OTOA: variants seen among roughly 807,000 people sequenced by gnomAD.
OTOA encodes otoancorin, also known as cancer/testis antigen 108.
In OTOA, 70 loss-of-function variants were observed where a neutral mutation model predicts 110.8. The observed-to-expected ratio is 0.63, with a 90% CI of 0.52 to 0.77. The LOEUF is 0.77. Among genes scored for constraint, OTOA ranks in the 30% least tolerant of loss-of-function variants. The probability of loss-of-function intolerance (pLI) is 0.00; values close to 1 mark genes in which losing one functional copy is unlikely to be tolerated. For synonymous variants in OTOA, 373 were observed against 431.5 expected, an observed-to-expected ratio of 0.86 and a Z score of 1.68; for missense variants, 917 against 1,075.8, an observed-to-expected ratio of 0.85 and a Z score of 2.06.
At chr16:21,670,862 C>T (rs1045029379) in intron 1 of OTOA, among the ~76,000 whole-genome samples, 12 of 152,008 alleles carry the variant, frequency 7.9e-5, no homozygotes, top group South Asian at 4.2e-4. Context: ...TGATCTTAGC[C>T]GGGCAAAGAG....
intron 17 of OTOA, 126 bp downstream of exon 17, chr16:21,719,630 C>A (rs1189739280): frequency 1.1e-6 from 1 of 948,658 alleles, no homozygotes; most frequent in Non-Finnish European, 1.7e-6. Flanking sequence ...GACTTAGGGC[C>A]AAAGATTGAG....
intron 9 of OTOA, among the ~76,000 whole-genome samples, chr16:21,695,891 A>C (rs796185096): frequency 2.4e-5 from 1 of 41,904 alleles, no homozygotes; most frequent in Non-Finnish European, 3.7e-5. Context: ...ATATATATAT[A>C]TTTTTTTTTT....
chr16:21,726,972 C>T (rs11642781), intron 19 of OTOA: 1 of 369,896 alleles, frequency 2.7e-6, no homozygotes, highest in South Asian at 2.3e-5. Flanking sequence ...CCTCAGTCTT[C>T]TCATCTGTAA....
chr16:21,717,859 TG>T (rs1399292972), intron 15 of OTOA, among the ~76,000 whole-genome samples: 1 of 152,208 alleles, frequency 6.6e-6, no homozygotes. Context: ...CAGGCGCTCT[TG>T]CTCAGGGTCT....
intron 15 of OTOA, among the ~76,000 whole-genome samples, chr16:21,717,893 C>T (rs215902): frequency 0.81 from 122,988 of 152,110 alleles, 50,356 homozygotes; most frequent in Non-Finnish European, 0.88. Context: ...GATGATGTCC[C>T]GCTGATCTAT....
intron 12 of OTOA, among the ~76,000 whole-genome samples, chr16:21,706,412 C>A (rs540857240): frequency 6.6e-6 from 1 of 152,320 alleles, no homozygotes; most frequent in East Asian, 1.9e-4. Context: ...AACATCCCTG[C>A]CAGGTGCCAC....
At chr16:21,675,058 T>C (rs996765916) in intron 1 of OTOA, among the ~76,000 whole-genome samples, 1 of 132,348 alleles carries the variant, frequency 7.6e-6, no homozygotes, top group Non-Finnish European at 1.6e-5. Flanking sequence ...TCATGTTTTC[T>C]TTCTGTCTTT....
At chr16:21,722,349 A>C (rs369696148) in intron 17 of OTOA, among the ~76,000 whole-genome samples, 1 of 113,610 alleles carries the variant, frequency 8.8e-6, no homozygotes, top group Non-Finnish European at 2.0e-5. Flanking sequence ...TATATGTATA[A>C]AACTATATAT....
intron 9 of OTOA, among the ~76,000 whole-genome samples, chr16:21,695,891 A>ATATATATATATTTTTTTT (rs569493650): frequency 7.2e-5 from 3 of 41,892 alleles, no homozygotes; most frequent in African/African-American, 1.5e-4. Flanking sequence ...ATATATATAT[A>ATATATATATATTTTTTTT]TTTTTTTTTT....
At chr16:21,685,131 CAGGGA>C (rs2141658635) in intron 6 of OTOA, 94 bp from the exon 7 acceptor site, 2 of 1,505,854 alleles carry the variant, frequency 1.3e-6, no homozygotes, top group Non-Finnish European at 9.1e-7. Flanking sequence ...GTGGTCTCTG[CAGGGA>C]ATGAGGGGGC....
At chr16:21,677,479 C>CTTTTT (rs778223383) in intron 1 of OTOA, among the ~76,000 whole-genome samples, 18 of 116,884 alleles carry the variant, frequency 1.5e-4, no homozygotes, top group Non-Finnish European at 1.7e-4. Flanking sequence ...AGCTTCATAT[C>CTTTTT]TTTTTTTTTT....
At chr16:21,738,505 G>A (rs1257893025) in intron 22 of OTOA, among the ~76,000 whole-genome samples, 6 of 136,010 alleles carry the variant, frequency 4.4e-5, no homozygotes, top group East Asian at 2.2e-4. Context: ...GGTGGCTCTC[G>A]GTGGGATGGA....
chr16:21,747,634 G>A (rs1425265096), intron 24 of OTOA: 1 of 125,358 alleles, frequency 8.0e-6, no homozygotes, highest in East Asian at 2.4e-4. Flanking sequence ...AGTTAATATT[G>A]CCTAAAAGTG....
intron 6 of OTOA, among the ~76,000 whole-genome samples, chr16:21,682,452 G>A (rs924063896): frequency 6.6e-6 from 1 of 152,232 alleles, no homozygotes; most frequent in Non-Finnish European, 1.5e-5. Context: ...CAGTGAGAGA[G>A]TGGATATTTG....
chr16:21,678,975 C>A (rs551512393), intron 3 of OTOA, 32 bp downstream of exon 3: 13 of 1,613,698 alleles, frequency 8.1e-6, no homozygotes, highest in South Asian at 7.7e-5. Context: ...AATCAGAGTC[C>A]CCTCTACTGG....
intron 20 of OTOA, chr16:21,730,144 T>C (rs551300785): frequency 6.5e-6 from 1 of 153,364 alleles, no homozygotes; most frequent in African/African-American, 2.4e-5. Context: ...GCAGACCTCC[T>C]TTAGAGATGT....
chr16:21,709,923 C>T lies in OTOA; in HGVS notation c.1140C>T (p.Asn380=), dbSNP rs950339736. 1.2e-6 allele frequency: 2 copies of T among 1,613,980 alleles called. No homozygotes were observed. The highest frequency in any genetic ancestry group is 1.7e-6 in the Non-Finnish European group (2 of 1,179,918). ...AACTCCTGGACATTGCCATGGAGAA[C>T]CAGACCCTCAATGAGACCCTGGGTT... ...KAELLDIAME[N]QTLNETLGSL... is the part of the protein sequence containing the mutation. Residue 380 remains asparagine, a synonymous_variant, in exon 13 of 29, where the codon AAC becomes AAT. Coordinates refer to ENST00000646100, the MANE Select transcript of OTOA (RefSeq NM_144672.4).
At chr16:21,711,615 C>T (rs1441178810) in intron 13 of OTOA, among the ~76,000 whole-genome samples, 1 of 152,112 alleles carries the variant, frequency 6.6e-6, no homozygotes, top group Non-Finnish European at 1.5e-5. Flanking sequence ...ATTATAGGCA[C>T]CCACCACCAC....
chr16:21,697,785 T>G lies in OTOA; in HGVS notation c.750T>G (p.Ala250=), dbSNP rs778034076. 1 of 1,614,096 alleles carries G rather than the reference T, an allele frequency of 6.2e-7. No individual in the cohort carries two copies. Among genetic ancestry groups the G allele is most frequent in the Non-Finnish European group, 8.5e-7 (1 of 1,179,966 alleles). The change falls in exon 10 of 29, where the codon GCT becomes GCG. Residue 250 remains alanine, a synonymous_variant. Coordinates refer to ENST00000646100, the MANE Select transcript of OTOA (RefSeq NM_144672.4). ...QTSSNATDDS[A]SWVSAEHLWV... ...CTTTATTTTTTGTAGATGACTCTGCTTCATGGGTCAGTGCGGAACACTTAT... is the reference window on the plus strand; with the variant it reads ...CTTTATTTTTTGTAGATGACTCTGCGTCATGGGTCAGTGCGGAACACTTAT...
Sources: allele counts gnomAD v4.1 joint callset (sites outside exome capture counted in the v4.1 genomes callset), GRCh38; gene constraint gnomAD v4.1.1; transcripts MANE v1.5; gene names NCBI Gene and HGNC (gene_info 2026-07-23, HGNC 2026-07-21).